SV2B: variants seen among roughly 807,000 people sequenced by gnomAD.
SV2B encodes the protein synaptic vesicle glycoprotein 2B.
A neutral mutation model predicts 73.9 loss-of-function variants in SV2B; 41 were observed. The ratio of observed to expected loss-of-function variants is 0.56; its 90% CI spans 0.43 to 0.72. The LOEUF is 0.72. SV2B is among the 30% of genes least tolerant of loss of function. The pLI is 0.00. For missense variants in SV2B, 764 were observed against 857.8 expected (o/e 0.89, Z 1.37); for synonymous variants, 314 against 314.2 (o/e 1.00, Z 0.01).
chr15:91,194,365 G>C (rs1264606277), intron 1 of SV2B, among the ~76,000 whole-genome samples: 1 of 152,158 alleles, frequency 6.6e-6, no homozygotes. Flanking sequence ...GATAATGTTA[G>C]AATTATGCCT....
chr15:91,186,354 A>G (rs1169559355), intron 1 of SV2B, among the ~76,000 whole-genome samples: 2 of 152,244 alleles, frequency 1.3e-5, no homozygotes, highest in Non-Finnish European at 2.9e-5. Flanking sequence ...AATTATATAT[A>G]AAACATATTA....
Position 91,283,474 on chromosome 15 carries a change from T to G in SV2B, c.1508-547T>G, listed in dbSNP as rs1467638724. Among the ~76,000 whole-genome samples, 2 of 152,142 alleles carry G rather than the reference T, an allele frequency of 1.3e-5. No individual in the cohort carries two copies. The highest frequency in any genetic ancestry group is 2.9e-5 in the Non-Finnish European group (2 of 68,016). ...TTTTAAAGGCAAGGTCTCCCTCTTT[T>G]GCCCAGGCTGGAATGCAGTGGCATG... On this transcript the variant is annotated intron_variant, in intron 10 of 12. Coordinates refer to ENST00000394232, the MANE Select transcript of SV2B (RefSeq NM_001323032.3). This position sits in a 1 kb window ranked among gnomAD's most constrained non-coding sequence, Gnocchi z 4.3.
At position 91,141,746 on chromosome 15, in the gene SV2B, T is replaced by TG. The variant is rs1353700154; in HGVS notation, c.-392+41383_-392+41384insG. ...GCCAAATAGTTTGGGTTTTGTTTTG[T>TG]TTTTTTTTTTGGACAGAGGTCACAT... On this transcript the variant is annotated intron_variant, in intron 1 of 12. Transcript: ENST00000394232. This position sits in a 1 kb window ranked among gnomAD's most constrained non-coding sequence, Gnocchi z 4.6. Among the ~76,000 whole-genome samples, 1 of 59,768 alleles carries TG rather than the reference T, an allele frequency of 1.7e-5. No individual in the cohort carries two copies. The highest frequency in any genetic ancestry group is 4.4e-5 in the African/African-American group (1 of 22,502). 39.2% of individuals were successfully genotyped at this position (59,768 alleles called of 152,430 possible).
chr15:91,301,006 G>C lies in SV2B; in HGVS notation c.*8454G>C, dbSNP rs1312025301. The C allele has an allele frequency of 1.3e-5, 2 of 152,200 alleles. No homozygotes were observed. The highest frequency in any genetic ancestry group is 1.3e-4 in the Admixed American group (2 of 15,272). The allele number at this position is 152,200 out of a possible 1,614,324, so 9.4% of individuals were successfully genotyped here. A position where few individuals can be genotyped will look rare whatever the true frequency, so the allele number is the denominator to read the frequency against. On this transcript the variant is annotated 3_prime_UTR_variant, in exon 13 of 13. Coordinates refer to ENST00000394232, the MANE Select transcript of SV2B (RefSeq NM_001323032.3). This position sits in a 1 kb window ranked among gnomAD's most constrained non-coding sequence, Gnocchi z 4.3. Reference sequence around the variant, plus strand: ...TGGAAGCCTGCCATCTTTCTGTAACGCACCTTCAACCTGAGATAATTAAGA... The same window carrying C: ...TGGAAGCCTGCCATCTTTCTGTAACCCACCTTCAACCTGAGATAATTAAGA...
intron 1 of SV2B, among the ~76,000 whole-genome samples, chr15:91,138,309 G>A (rs976455748): frequency 3.3e-5 from 5 of 152,192 alleles, no homozygotes; most frequent in Non-Finnish European, 7.3e-5. Context: ...AATAAGACTA[G>A]TGTGACCGAG....
Position 91,242,669 on chromosome 15 carries a change from T to G in SV2B, c.452-9150T>G, listed in dbSNP as rs2047066718. 6.6e-6 allele frequency among the ~76,000 whole-genome samples: 1 copy of G among 152,128 alleles called. No individual in the cohort carries two copies. Among genetic ancestry groups the G allele is most frequent in the Non-Finnish European group, 1.5e-5 (1 of 68,014 alleles). On this transcript the variant is annotated intron_variant, in intron 2 of 12. Transcript: ENST00000394232. The surrounding 1 kb of genome is among the most constrained non-coding windows in gnomAD (Gnocchi z 4.9). ...AGGACATCAGTATCCAGGGGTTGCT[T>G]AATACTTGATAAAAGGGTGAATAGC...
rs1296918960 is a variant in SV2B, at chr15:91,110,309, T to C, written c.-392+9946T>C. ...GGGCTGTAGCAATGTTAAGTTTGTA[T>C]GAGAGGCCAAGAGAGAACAGGAAAA... On this transcript the variant is annotated intron_variant, in intron 1 of 12. Coordinates refer to ENST00000394232, the MANE Select transcript of SV2B (RefSeq NM_001323032.3). The surrounding 1 kb of genome is among the most constrained non-coding windows in gnomAD (Gnocchi z 5.4). Among the ~76,000 whole-genome samples the C allele has an allele frequency of 1.3e-5, 2 of 152,164 alleles. No homozygotes were observed. Among genetic ancestry groups the C allele is most frequent in the Non-Finnish European group, 2.9e-5 (2 of 68,020 alleles).
rs2046798189 is a variant in SV2B, at chr15:91,236,746, T to C, written c.451+10032T>C. On this transcript the variant is annotated intron_variant, in intron 2 of 12. Transcript: ENST00000394232. The surrounding 1 kb of genome is among the most constrained non-coding windows in gnomAD (Gnocchi z 4.1). Reference sequence around the variant, plus strand: ...TAAATCTGCAGTCTGGGCAGACACCTGGCCCCTATTCCACTTGACATTACC... The same window carrying C: ...TAAATCTGCAGTCTGGGCAGACACCCGGCCCCTATTCCACTTGACATTACC... 6.6e-6 allele frequency among the ~76,000 whole-genome samples: 1 copy of C among 152,152 alleles called. No homozygotes were observed. Among genetic ancestry groups the C allele is most frequent in the Non-Finnish European group, 1.5e-5 (1 of 68,016 alleles).
chr15:91,108,550 C>T (rs2041952499), intron 1 of SV2B, among the ~76,000 whole-genome samples: 1 of 152,214 alleles, frequency 6.6e-6, no homozygotes, highest in African/African-American at 2.4e-5. Context: ...TGAATAAATG[C>T]TGCTGTGTTT....
intron 4 of SV2B, among the ~76,000 whole-genome samples, chr15:91,254,397 C>T (rs190480995): frequency 1.0e-3 from 157 of 152,152 alleles, no homozygotes; most frequent in African/African-American, 3.2e-3. Flanking sequence ...CCACCACACC[C>T]AGCTAATTTT....
At chr15:91,120,772 C>T (rs1291015006) in intron 1 of SV2B, among the ~76,000 whole-genome samples, 1 of 149,512 alleles carries the variant, frequency 6.7e-6, no homozygotes, top group Admixed American at 6.7e-5. Context: ...TGTGATCGTG[C>T]CACTGCTCCA....
chr15:91,128,426 C>A lies in SV2B; in HGVS notation c.-392+28063C>A, dbSNP rs1026689941. Among the ~76,000 whole-genome samples, 3 of 152,350 alleles carry A rather than the reference C, an allele frequency of 2.0e-5. No homozygotes were observed. Among genetic ancestry groups the A allele is most frequent in the African/African-American group, 7.2e-5 (3 of 41,580 alleles). ...TCTGATTCCACCCCGCAAACCCTCACCTGGCTGAATATGAGATCCCTACAT... is the reference window on the plus strand; with the variant it reads ...TCTGATTCCACCCCGCAAACCCTCAACTGGCTGAATATGAGATCCCTACAT... On this transcript the variant is annotated intron_variant, in intron 1 of 12. Coordinates refer to ENST00000394232, the MANE Select transcript of SV2B (RefSeq NM_001323032.3). The surrounding 1 kb of genome is among the most constrained non-coding windows in gnomAD (Gnocchi z 4.2).
At position 91,268,543 on chromosome 15, in the gene SV2B, C is replaced by G; in HGVS notation, c.1311C>G (p.Gly437=). 6.2e-7 allele frequency: 1 copy of G among 1,613,932 alleles called. No individual in the cohort carries two copies. Among genetic ancestry groups the G allele is most frequent in the South Asian group, 1.1e-5 (1 of 91,056 alleles). ...MKVFFGEHVY[G]ATINFTMENQ... Reference sequence around the variant, plus strand: ...TGTTTTTTGGTGAGCATGTGTACGGCGCCACAATCAACTTCACGATGGAAA... The same window carrying G: ...TGTTTTTTGGTGAGCATGTGTACGGGGCCACAATCAACTTCACGATGGAAA... Residue 437 remains glycine (G), a synonymous_variant, in exon 9 of 13, where the codon GGC becomes GGG. Transcript: ENST00000394232. This position sits in a 1 kb window ranked among gnomAD's most constrained non-coding sequence, Gnocchi z 4.4.
rs917190197 is a variant in SV2B at position 91,130,920 on chromosome 15, G to A, written c.-392+30557G>A. Among the ~76,000 whole-genome samples, 11 of 152,180 alleles carry A rather than the reference G, an allele frequency of 7.2e-5. No homozygotes were observed. The highest frequency in any genetic ancestry group is 3.4e-3 in the Middle Eastern group (1 of 294). On this transcript the variant is annotated intron_variant, in intron 1 of 12. Coordinates refer to ENST00000394232, the MANE Select transcript of SV2B (RefSeq NM_001323032.3). This position sits in a 1 kb window ranked among gnomAD's most constrained non-coding sequence, Gnocchi z 5.6. ...GAGAAGGAACTTGAAGATGCAAAAG[G>A]AGGAGATGGTTGATGGATCCAAGTT...
intron 1 of SV2B, among the ~76,000 whole-genome samples, chr15:91,161,706 C>T (rs768691099): frequency 9.2e-5 from 14 of 152,102 alleles, no homozygotes; most frequent in African/African-American, 3.1e-4. Context: ...AGTGGCAGAG[C>T]CAGGATTTGA....
rs963761761 is a variant in SV2B at position 91,124,321 on chromosome 15, C to T, written c.-392+23958C>T. Among the ~76,000 whole-genome samples the T allele has an allele frequency of 2.0e-5, 3 of 152,148 alleles. No homozygotes were observed. Among genetic ancestry groups the T allele is most frequent in the African/African-American group, 4.8e-5 (2 of 41,430 alleles). On this transcript the variant is annotated intron_variant, in intron 1 of 12. Transcript: ENST00000394232. This position sits in a 1 kb window ranked among gnomAD's most constrained non-coding sequence, Gnocchi z 4.6. ...CAGTGGTGTTTCCTTCTGTGAGGCA[C>T]GACTTCCCAGGCAGGACTCTTGGGA...
At chr15:91,272,726 GCA>G (rs373613153) in intron 9 of SV2B, among the ~76,000 whole-genome samples, 1 of 150,984 alleles carries the variant, frequency 6.6e-6, no homozygotes, top group East Asian at 1.9e-4. Flanking sequence ...GAGGAAGAAA[GCA>G]CACACACACA....
chr15:91,173,357 G>C (rs1291132972), intron 1 of SV2B, among the ~76,000 whole-genome samples: 1 of 152,170 alleles, frequency 6.6e-6, no homozygotes, highest in African/African-American at 2.4e-5. Flanking sequence ...AAGGAGCTGG[G>C]ATTTGATTCT....
At chr15:91,162,313 T>A (rs1416524150) in intron 1 of SV2B, among the ~76,000 whole-genome samples, 1 of 152,182 alleles carries the variant, frequency 6.6e-6, no homozygotes, top group African/African-American at 2.4e-5. Flanking sequence ...ATGGGTTGTT[T>A]GACAATAACA....
Sources: gnomAD v4.1 joint callset for allele counts (sites outside exome capture counted in the v4.1 genomes callset) on GRCh38, gnomAD v4.1.1 for gene constraint, Gnocchi (gnomAD v3.1) non-coding constraint, MANE v1.5 for transcripts, NCBI Gene and HGNC (gene_info 2026-07-23, HGNC 2026-07-21) for gene names.